The following MUC17 variants were observed in gnomAD, a reference collection of about 807,000 sequenced individuals.
The protein encoded by MUC17 is mucin-17.
Under a neutral mutation model 170.3 loss-of-function variants are expected in MUC17, and 190 were observed. The observed-to-expected ratio is 1.12, with a 90% CI of 0.99 to 1.26. The LOEUF (loss-of-function observed/expected upper bound fraction) is 1.26. Ranked by LOEUF, MUC17 falls within the 50% of genes most tolerant of loss-of-function variation. The probability of loss-of-function intolerance (pLI) is 0.00; values close to 1 mark genes in which losing one functional copy is unlikely to be tolerated. For synonymous variants in MUC17, 2,325 were observed against 2,002.5 expected (o/e 1.16, Z -4.30); for missense variants, 6,415 against 5,530.0 (o/e 1.16, Z -5.08).
chr7:101,036,559 G>A lies in MUC17; in HGVS notation c.5143G>A (p.Val1715Ile), dbSNP rs149023842. Residue 1715 changes from valine (V) to isoleucine (I), a missense_variant, in exon 3 of 13, where the codon GTT (valine) becomes ATT (isoleucine). Physicochemically the swap from Val to Ile is conservative, Grantham distance 29. Transcript: ENST00000306151. ...AATCAGCACCCTTTCAACAACTCCCGTTGACAACAGCACACCTGTGACCAC... is the reference window on the plus strand; with the variant it reads ...AATCAGCACCCTTTCAACAACTCCCATTGACAACAGCACACCTGTGACCAC... Reference protein sequence around the residue: ...SAISTLSTTPVDNSTPVTTST... With the variant: ...SAISTLSTTPIDNSTPVTTST... 2.2e-3 allele frequency: 3,589 copies of A among 1,611,390 alleles called. 7 individuals are homozygous for A. Among genetic ancestry groups the A allele is most frequent in the Non-Finnish European group, 2.7e-3 (3,207 of 1,178,610 alleles).
intron 1 of MUC17, among the ~76,000 whole-genome samples, chr7:101,022,539 C>T (rs1794110442): frequency 6.6e-6 from 1 of 152,188 alleles, no homozygotes; most frequent in South Asian, 2.1e-4. Context: ...AGGCTCTCCT[C>T]CCAGGCCAGG....
chr7:101,027,888 C>T (rs1177691658), intron 1 of MUC17, among the ~76,000 whole-genome samples: 3 of 151,844 alleles, frequency 2.0e-5, no homozygotes, highest in Admixed American at 6.5e-5. Flanking sequence ...TCTCCTGTCT[C>T]GGCCTCTCAA....
At chr7:101,051,466 C>A (rs965608118) in intron 7 of MUC17, 147 bp from the exon 8 acceptor site, 2 of 667,858 alleles carry the variant, frequency 3.0e-6, no homozygotes, top group South Asian at 3.7e-5. Context: ...TCACTGGACG[C>A]GAGGCTGATG....
rs1351439896 is a variant in MUC17, at chr7:101,043,302, T to C, written c.11886T>C (p.Ser3962=). The C allele has an allele frequency of 6.2e-7, 1 of 1,614,046 alleles. No individual in the cohort carries two copies. The highest frequency in any genetic ancestry group is 8.5e-7 in the Non-Finnish European group (1 of 1,180,048). Reference sequence around the variant, plus strand: ...TTCCTGCAACAACTGGTGCTGTATCTACCCCTGTGATAACTTCCACTGAAC... The same window carrying C: ...TTCCTGCAACAACTGGTGCTGTATCCACCCCTGTGATAACTTCCACTGAAC... ...DVFPATTGAV[S]TPVITSTELN... Residue 3962 remains serine (S), a synonymous_variant, in exon 3 of 13, where the codon TCT becomes TCC. Transcript: ENST00000306151.
At position 101,041,027 on chromosome 7, in the gene MUC17, C is replaced by T. The variant is rs760295628; in HGVS notation, c.9611C>T (p.Ser3204Phe). 1.2e-6 allele frequency: 2 copies of T among 1,613,510 alleles called. No individual in the cohort carries two copies. Among genetic ancestry groups the T allele is most frequent in the Non-Finnish European group, 1.7e-6 (2 of 1,179,862 alleles). ...PVTTSTEATS[S>F]TTAEGTSIPT... ...ACCACTTCTACTGAAGCCACTTCAT[C>T]TACAACTGCTGAAGGTACCAGCATT... is the stretch of plus-strand genomic sequence containing the variant. Residue 3204 changes from serine (S) to phenylalanine (F), a missense_variant, in exon 3 of 13, where the codon TCT becomes TTT. Physicochemically the swap from Ser to Phe is radical, Grantham distance 155. Coordinates refer to ENST00000306151, the MANE Select transcript of MUC17 (RefSeq NM_001040105.2).
chr7:101,039,404 T>G lies in MUC17; in HGVS notation c.7988T>G (p.Leu2663Arg). The G allele has an allele frequency of 6.3e-7, 1 of 1,581,344 alleles. No homozygotes were observed. Among genetic ancestry groups the G allele is most frequent in the Non-Finnish European group, 8.6e-7 (1 of 1,165,800 alleles). Reference sequence around the variant, plus strand: ...ACAACTCCTGTTGACACCAGGACACTTGTGACCACTTCCACTGGAACCAGT... The same window carrying G: ...ACAACTCCTGTTGACACCAGGACACGTGTGACCACTTCCACTGGAACCAGT... ...LSTTPVDTRT[L>R]VTTSTGTSSS... Residue 2663 changes from leucine to arginine, a missense_variant, in exon 3 of 13, where the codon CTT becomes CGT. Physicochemically the swap from Leu to Arg is moderately radical, Grantham distance 102 (BLOSUM62 -2). Transcript: ENST00000306151.
Position 101,038,213 on chromosome 7 carries a change from G to C in MUC17, c.6797G>C (p.Gly2266Ala). 6.2e-7 allele frequency: 1 copy of C among 1,612,790 alleles called. No homozygotes were observed. The highest frequency in any genetic ancestry group is 1.1e-5 in the South Asian group (1 of 90,970). Residue 2266 changes from glycine to alanine, a missense_variant, in exon 3 of 13, where the codon GGT becomes GCT. Coordinates refer to ENST00000306151, the MANE Select transcript of MUC17 (RefSeq NM_001040105.2). ...ACTTCATCTCCTACAACTGCTGAAG[G>C]TACCAGCATACCAACTTCAACTCTT... is the stretch of plus-strand genomic sequence containing the variant. ...EATSSPTTAE[G>A]TSIPTSTLSE...
rs1410851601 is a variant in MUC17, at chr7:101,043,094, G to A, written c.11678G>A (p.Ser3893Asn). The A allele has an allele frequency of 1.9e-6, 3 of 1,614,168 alleles. No individual in the cohort carries two copies. The highest frequency in any genetic ancestry group is 2.5e-6 in the Non-Finnish European group (3 of 1,180,028). Residue 3893 changes from serine to asparagine, a missense_variant, in exon 3 of 13, where the codon AGC becomes AAC. By Grantham distance (46) the Ser-to-Asn change is conservative (BLOSUM62 1). Coordinates refer to ENST00000306151, the MANE Select transcript of MUC17 (RefSeq NM_001040105.2). ...TTLPTSFPGA[S>N]IASTPPLDTS... ...CTTCCAACTAGCTTTCCTGGGGCCAGCATAGCTTCGACACCTCCTCTTGAC... is the reference window on the plus strand; with the variant it reads ...CTTCCAACTAGCTTTCCTGGGGCCAACATAGCTTCGACACCTCCTCTTGAC...
rs1248208222 is a variant in MUC17 at position 101,040,466 on chromosome 7, C to G, written c.9050C>G (p.Pro3017Arg). ...AGAACTCCTGCTGACACCAGCACAC[C>G]TGTGACCACTTCTACTGAAGCCAGT... ...LSRTPADTST[P>R]VTTSTEASSS... The change falls in exon 3 of 13, where the codon CCT becomes CGT. Residue 3017 changes from proline to arginine, a missense_variant. By Grantham distance (103) the Pro-to-Arg change is moderately radical. Transcript: ENST00000306151. 3 of 1,612,478 alleles carry G rather than the reference C, an allele frequency of 1.9e-6. No individual in the cohort carries two copies. The highest frequency in any genetic ancestry group is 1.7e-4 in the Middle Eastern group (1 of 6,058).
At chr7:101,028,532 T>C (rs1562801552) in intron 1 of MUC17, among the ~76,000 whole-genome samples, 2 of 152,174 alleles carry the variant, frequency 1.3e-5, no homozygotes, top group Admixed American at 1.3e-4. Flanking sequence ...TTTGTTTATA[T>C]ACACATTTTT....
In MUC17 at chr7:101,038,985, C is replaced by T. The variant is rs1201245075; in HGVS notation, c.7569C>T (p.Ser2523=). The T allele has an allele frequency of 3.1e-6, 5 of 1,614,020 alleles. No homozygotes were observed. Among genetic ancestry groups the T allele is most frequent in the Non-Finnish European group, 4.2e-6 (5 of 1,180,022 alleles). ...GSTLLTSIPV[S]TTPVASPEAS... ...CTCTATTAACAAGTATACCTGTCAG[C>T]ACCACGCCAGTGGCCAGTCCTGAGG... Residue 2523 remains serine, a synonymous_variant, in exon 3 of 13, where the codon AGC becomes AGT. Coordinates refer to ENST00000306151, the MANE Select transcript of MUC17 (RefSeq NM_001040105.2).
chr7:101,032,398 A>T lies in MUC17; in HGVS notation c.982A>T (p.Thr328Ser), dbSNP rs1794311751. 1 of 1,612,622 alleles carries T rather than the reference A, an allele frequency of 6.2e-7. No homozygotes were observed. Among genetic ancestry groups the T allele is most frequent in the African/African-American group, 1.3e-5 (1 of 74,422 alleles). Residue 328 changes from threonine (T) to serine (S), a missense_variant, in exon 3 of 13, where the codon ACT (threonine) becomes TCT (serine). Physicochemically the swap from Thr to Ser is moderately conservative, Grantham distance 58. Coordinates refer to ENST00000306151, the MANE Select transcript of MUC17 (RefSeq NM_001040105.2). The stretch of plus-strand genomic sequence containing the variant: ...TGAAGGCACCAGCATACCAACCTCA[A>T]CTTATACTGAAGGAAGCACTCCATT... The part of the protein sequence containing the change: ...TAEGTSIPTS[T>S]YTEGSTPLTS...
chr7:101,031,119 G>C lies in MUC17; in HGVS notation c.83-1G>C. ...TACTAACTCCCCTTTGTCTCTTTCA[G>C]ACCTCAGTGTGAACAGGGCTGTGTG... On this transcript the variant is annotated splice_acceptor_variant, in intron 1 of 12. Transcript: ENST00000306151. LOFTEE classifies it high-confidence loss of function. 6.2e-7 allele frequency: 1 copy of C among 1,609,324 alleles called. No individual in the cohort carries two copies. The highest frequency in any genetic ancestry group is 8.5e-7 in the Non-Finnish European group (1 of 1,177,694).
In MUC17 at chr7:101,035,191, T is replaced by G. The variant is rs1189782190; in HGVS notation, c.3775T>G (p.Ser1259Ala). Residue 1259 changes from serine (S) to alanine (A), a missense_variant, in exon 3 of 13, where the codon TCT becomes GCT. Transcript: ENST00000306151. ...GACCACTTCTGCTGAAACCAGTTCCTCTCCTACAACCGCTGAAGGTACCAG... is the reference window on the plus strand; with the variant it reads ...GACCACTTCTGCTGAAACCAGTTCCGCTCCTACAACCGCTGAAGGTACCAG... ...PVTTSAETSSSPTTAEGTSLP... is the reference protein window; with the variant it reads ...PVTTSAETSSAPTTAEGTSLP... 1 of 1,609,612 alleles carries G rather than the reference T, an allele frequency of 6.2e-7. No homozygotes were observed. The highest frequency in any genetic ancestry group is 1.1e-5 in the South Asian group (1 of 90,470).
In MUC17 at chr7:101,035,770, GAAGGA is replaced by G; in HGVS notation, c.4358_4362del (p.Gly1453AspfsTer17). 6.2e-7 allele frequency: 1 copy of G among 1,610,560 alleles called. No individual in the cohort carries two copies. ...CAGCATACCAACCTCAACTCCTAGT[GAAGGA>G]AAGACTCCATTAAAAAGTATACCTG... On this transcript the variant is annotated frameshift_variant, in exon 3 of 13. Coordinates refer to ENST00000306151, the MANE Select transcript of MUC17 (RefSeq NM_001040105.2). LOFTEE classifies it high-confidence loss of function.
Position 101,033,774 on chromosome 7 carries a change from C to T in MUC17, c.2358C>T (p.Cys786=). The T allele has an allele frequency of 6.2e-7, 1 of 1,612,948 alleles. No homozygotes were observed. The highest frequency in any genetic ancestry group is 1.3e-5 in the African/African-American group (1 of 74,590). Residue 786 remains cysteine (C), a synonymous_variant, in exon 3 of 13, where the codon TGC becomes TGT. Transcript: ENST00000306151. ...THITTSTEAS[C]SPTTTEGTSM... Reference sequence around the variant, plus strand: ...TCACCACTTCTACTGAAGCCAGTTGCTCTCCTACAACCACTGAAGGTACCA... The same window carrying T: ...TCACCACTTCTACTGAAGCCAGTTGTTCTCCTACAACCACTGAAGGTACCA...
In MUC17 at chr7:101,040,129, G is replaced by A. The variant is rs1794646631; in HGVS notation, c.8713G>A (p.Glu2905Lys). The change falls in exon 3 of 13, where the codon GAA (glutamate) becomes AAA (lysine). Residue 2905 changes from glutamate to lysine, a missense_variant. Transcript: ENST00000306151. ...CAGCATACCTGTCACCACTTCTACT[G>A]AAGGCAGTTCTTCTCCTACAACTGC... ...DTSIPVTTST[E>K]GSSSPTTAEG... is the part of the protein sequence containing the mutation. 1.2e-6 allele frequency: 2 copies of A among 1,611,982 alleles called. No individual in the cohort carries two copies. The highest frequency in any genetic ancestry group is 1.7e-6 in the Non-Finnish European group (2 of 1,179,354).
chr7:101,035,563 G>T lies in MUC17; in HGVS notation c.4147G>T (p.Gly1383Cys). The T allele has an allele frequency of 6.2e-7, 1 of 1,602,398 alleles. No homozygotes were observed. The highest frequency in any genetic ancestry group is 1.1e-5 in the South Asian group (1 of 90,244). The change falls in exon 3 of 13, where the codon GGT becomes TGT. Residue 1383 changes from glycine to cysteine, a missense_variant. Coordinates refer to ENST00000306151, the MANE Select transcript of MUC17 (RefSeq NM_001040105.2). ...CTGTTCATCTCCTACAACTTCTGAA[G>T]GTACCAGCATGCCAAACTCAAATCC... ...EACSSPTTSE[G>C]TSMPNSNPSE...
intron 1 of MUC17, among the ~76,000 whole-genome samples, chr7:101,021,716 G>T (rs979148392): frequency 6.6e-6 from 1 of 152,098 alleles, no homozygotes; most frequent in Non-Finnish European, 1.5e-5. Context: ...TGGCTCCTCC[G>T]TCTCTGTGCC....
Sources: gnomAD v4.1 joint callset for allele counts (sites outside exome capture counted in the v4.1 genomes callset) on GRCh38, gnomAD v4.1.1 for gene constraint, MANE v1.5 for transcripts, NCBI Gene and HGNC (gene_info 2026-07-23, HGNC 2026-07-21) for gene names.